LYN: variants seen among roughly 807,000 people sequenced by gnomAD.
LYN encodes the protein LYN proto-oncogene, Src family tyrosine kinase.
In LYN, 12 loss-of-function variants were observed where a neutral mutation model predicts 65.0. That is an observed-to-expected ratio of 0.18 (90% CI 0.12 to 0.30). The LOEUF (loss-of-function observed/expected upper bound fraction) is 0.30, where lower values mean the gene tolerates loss of function less well. Among genes scored for constraint, LYN ranks in the 10% least tolerant of loss-of-function variants. The probability of loss-of-function intolerance (pLI) is 1.00; values close to 1 mark genes in which losing one functional copy is unlikely to be tolerated. For missense variants in LYN, 380 were observed against 623.2 expected, an observed-to-expected ratio of 0.61 and a Z score of 4.16; for synonymous variants, 222 against 221.2, an observed-to-expected ratio of 1.00 and a Z score of -0.03.
At chr8:55,935,296 T>C (rs949617611) in intron 1 of LYN, among the ~76,000 whole-genome samples, 1 of 152,194 alleles carries the variant, frequency 6.6e-6, no homozygotes, top group African/African-American at 2.4e-5. Flanking sequence ...AGCCGTGCTA[T>C]GCAGCTTGGC....
At chr8:55,974,887 A>G (rs1054077987) in intron 10 of LYN, among the ~76,000 whole-genome samples, 44 of 152,124 alleles carry the variant, frequency 2.9e-4, no homozygotes, top group African/African-American at 1.0e-3. Context: ...CGTGGTGGCA[A>G]GTGGAAGCCG....
rs372547745 is a variant in LYN at position 55,887,575 on chromosome 8, T to TACACACACACACACACACACACACACAC, written c.-6+7474_-6+7501dup. The stretch of plus-strand genomic sequence containing the variant: ...AAATATAAATATATATATATATATA[T>TACACACACACACACACACACACACACAC]ACACACACACACACACACACACACA... On this transcript the variant is annotated intron_variant, in intron 1 of 12. Coordinates refer to ENST00000519728, the MANE Select transcript of LYN (RefSeq NM_002350.4). Among the ~76,000 whole-genome samples the TACACACACACACACACACACACACACAC allele has an allele frequency of 4.6e-3, 429 of 93,058 alleles. 6 individuals carry two copies. Among genetic ancestry groups the TACACACACACACACACACACACACACAC allele is most frequent in the East Asian group, 0.012 (30 of 2,452 alleles). The allele number at this position is 93,058 out of a possible 152,430, so 61.0% of individuals were successfully genotyped here.
At chr8:55,953,055 G>A (rs1310150101) in intron 7 of LYN, among the ~76,000 whole-genome samples, 3 of 152,134 alleles carry the variant, frequency 2.0e-5, no homozygotes, top group African/African-American at 7.2e-5. Flanking sequence ...AGAGCAACGT[G>A]CTTCCGATTT....
intron 1 of LYN, among the ~76,000 whole-genome samples, chr8:55,916,882 T>A (rs886264272): frequency 6.6e-6 from 1 of 152,016 alleles, no homozygotes; most frequent in Non-Finnish European, 1.5e-5. Flanking sequence ...TTCTCTTTTT[T>A]AAAAACAGAT....
At chr8:55,947,584 A>T in intron 3 of LYN, 34 bp from the exon 4 acceptor site, 2 of 1,488,326 alleles carry the variant, frequency 1.3e-6, no homozygotes, top group Non-Finnish European at 1.9e-6. Flanking sequence ...CTGCTGATGG[A>T]TTCTTACAGG....
intron 12 of LYN, among the ~76,000 whole-genome samples, chr8:56,008,224 G>A (rs993497447): frequency 2.6e-4 from 40 of 152,210 alleles, no homozygotes; most frequent in African/African-American, 8.9e-4. Flanking sequence ...ATAGTGCCCC[G>A]CAATTTGAAA....
intron 1 of LYN, among the ~76,000 whole-genome samples, chr8:55,903,049 A>G (rs866525101): frequency 1.3e-5 from 2 of 152,188 alleles, no homozygotes; most frequent in Non-Finnish European, 2.9e-5. Flanking sequence ...GGGTTTCACC[A>G]TATCGGCCAG....
chr8:55,937,694 T>A (rs1476031685), intron 1 of LYN, among the ~76,000 whole-genome samples: 3 of 152,134 alleles, frequency 2.0e-5, no homozygotes, highest in African/African-American at 7.2e-5. Context: ...AGTTTTGTTT[T>A]GTTTTGTTTT....
chr8:55,908,055 A>G (rs1445142181), intron 1 of LYN, among the ~76,000 whole-genome samples: 1 of 152,114 alleles, frequency 6.6e-6, no homozygotes, highest in Non-Finnish European at 1.5e-5. Flanking sequence ...AAAGAGGATT[A>G]TAAAATCCTG....
At chr8:55,975,278 G>A (rs1436502641) in intron 10 of LYN, among the ~76,000 whole-genome samples, 3 of 152,156 alleles carry the variant, frequency 2.0e-5, no homozygotes, top group Non-Finnish European at 4.4e-5. Flanking sequence ...CCATGATTTT[G>A]TAAATGGAGC....
intron 12 of LYN, among the ~76,000 whole-genome samples, chr8:56,005,349 C>T (rs1430809970): frequency 2.6e-5 from 4 of 152,248 alleles, no homozygotes; most frequent in Non-Finnish European, 4.4e-5. Flanking sequence ...CTTTCCCCAC[C>T]TCCACTTGGG....
At chr8:55,996,249 C>T (rs962922228) in intron 10 of LYN, among the ~76,000 whole-genome samples, 3 of 152,098 alleles carry the variant, frequency 2.0e-5, no homozygotes, top group East Asian at 3.9e-4. Flanking sequence ...GGAAGGCCCA[C>T]GGGGCAGAAG....
chr8:55,972,994 A>C (rs1395894568), intron 10 of LYN, among the ~76,000 whole-genome samples: 1 of 152,208 alleles, frequency 6.6e-6, no homozygotes. Context: ...GGTTAAATTC[A>C]GCAGATTGTC....
chr8:55,921,868 T>C (rs985554973), intron 1 of LYN, among the ~76,000 whole-genome samples: 12 of 152,212 alleles, frequency 7.9e-5, no homozygotes, highest in African/African-American at 2.9e-4. Flanking sequence ...ATACTCTTTA[T>C]TCCACAGATA....
Position 55,879,979 on chromosome 8 carries a change from C to A in LYN, c.-130C>A. 1 of 272,966 alleles carries A rather than the reference C, an allele frequency of 3.7e-6. No homozygotes were observed. Among genetic ancestry groups the A allele is most frequent in the Non-Finnish European group, 7.6e-6 (1 of 132,206 alleles). 16.9% of individuals were successfully genotyped at this position (272,966 alleles called of 1,614,324 possible). A position where few individuals can be genotyped will look rare whatever the true frequency, so the allele number is the denominator to read the frequency against. On this transcript the variant is annotated 5_prime_UTR_variant, in exon 1 of 13. Transcript: ENST00000519728. The stretch of plus-strand genomic sequence containing the variant: ...CCCGCGCCAGCAGCCCCTCGCCGCG[C>A]GTCCAGCGTTCCCGGCCAGCAGCCT...
intron 8 of LYN, among the ~76,000 whole-genome samples, chr8:55,961,613 C>T (rs977376141): frequency 6.6e-6 from 1 of 152,134 alleles, no homozygotes; most frequent in East Asian, 1.9e-4. Flanking sequence ...TGACTTCCCC[C>T]CTAACCTTGG....
intron 8 of LYN, among the ~76,000 whole-genome samples, chr8:55,957,590 C>G (rs754670873): frequency 6.6e-6 from 1 of 152,180 alleles, no homozygotes; most frequent in Non-Finnish European, 1.5e-5. Flanking sequence ...GTAAAGTGAA[C>G]AAAGTAATTC....
At position 55,936,507 on chromosome 8, in the gene LYN, G is replaced by T. The variant is rs561849722; in HGVS notation, c.-5-5348G>T. On this transcript the variant is annotated intron_variant, in intron 1 of 12. Coordinates refer to ENST00000519728, the MANE Select transcript of LYN (RefSeq NM_002350.4). ...ACACAAAAGTTAGCCAGGTGTGGTG[G>T]TGGGCACCTGTAATCCCAGCTACCT... Among the ~76,000 whole-genome samples, 85 of 152,294 alleles carry T rather than the reference G, an allele frequency of 5.6e-4. 1 individual carries two copies. The highest frequency in any genetic ancestry group is 1.9e-3 in the African/African-American group (79 of 41,560).
At chr8:55,980,281 G>A (rs951958244) in intron 10 of LYN, 1 of 152,100 alleles carries the variant, frequency 6.6e-6, no homozygotes, top group African/African-American at 2.4e-5. Context: ...GGAGTGCAGT[G>A]GCTTTTCACA....
Sources: gnomAD v4.1 joint callset for allele counts (sites outside exome capture counted in the v4.1 genomes callset) on GRCh38, gnomAD v4.1.1 for gene constraint, MANE v1.5 for transcripts, NCBI Gene and HGNC (gene_info 2026-07-23, HGNC 2026-07-21) for gene names.